Variants in TMEM87A observed in about 807,000 individuals in gnomAD.
The protein encoded by TMEM87A is transmembrane protein 87A, also known as Golgi-pH regulating cation channel.
In TMEM87A, 50 loss-of-function variants were observed where a neutral mutation model predicts 90.0. The observed-to-expected ratio is 0.56, with a 90% CI of 0.44 to 0.70. The LOEUF is 0.70. Ranked by LOEUF, TMEM87A falls within the 30% of genes least tolerant of loss-of-function variation. The pLI, the probability that TMEM87A is intolerant of heterozygous loss-of-function variation, is 0.00. For missense variants in TMEM87A, 577 were observed against 660.5 expected (o/e 0.87, Z 1.39); for synonymous variants, 226 against 226.7 (o/e 1.00, Z 0.03).
chr15:42,239,243 G>A (rs1384166293), intron 8 of TMEM87A, among the ~76,000 whole-genome samples: 6 of 152,174 alleles, frequency 3.9e-5, no homozygotes, highest in Admixed American at 3.9e-4. Flanking sequence ...GTTTCACCAT[G>A]TTGGCCAGGC....
At chr15:42,214,392 C>T (rs1193992457) in intron 19 of TMEM87A, among the ~76,000 whole-genome samples, 2 of 152,212 alleles carry the variant, frequency 1.3e-5, no homozygotes, top group African/African-American at 4.8e-5. Context: ...AGAGAAACGA[C>T]AGGCCAATAT....
At chr15:42,236,167 A>G (rs189286358) in intron 10 of TMEM87A, among the ~76,000 whole-genome samples, 153 bp downstream of exon 10, 5 of 152,388 alleles carry the variant, frequency 3.3e-5, no homozygotes, top group Non-Finnish European at 7.3e-5. Context: ...TTTTCCCAAC[A>G]TTTACAATGC....
intron 11 of TMEM87A, among the ~76,000 whole-genome samples, chr15:42,231,577 T>C (rs1480483474): frequency 6.6e-6 from 1 of 152,164 alleles, no homozygotes; most frequent in East Asian, 1.9e-4. Flanking sequence ...ATAAGCCCCA[T>C]CCTTAATCTA....
In TMEM87A at chr15:42,272,174, A is replaced by G. The variant is rs766240099; in HGVS notation, c.145-51T>C. 4.6e-6 allele frequency: 6 copies of G among 1,298,064 alleles called. No homozygotes were observed. In the South Asian group the frequency reaches 7.6e-5, roughly 16 times the overall value. The allele number at this position is 1,298,064 out of a possible 1,614,324, so 80.4% of individuals were successfully genotyped here. ...AGCCTCAGATGGCTTCAATTACCAA[A>G]GCATCATATAACTATCTAAGACTGC... On this transcript the variant is annotated intron_variant, in intron 1 of 19. Transcript: ENST00000389834.
At position 42,211,451 on chromosome 15, in the gene TMEM87A, A is replaced by G. The variant is rs891348791; in HGVS notation, c.*257T>C. ...ACACACTTAAGTTGCATGAACATCCATGTCAGAGTCTGGGAGGAAAGGGGG... is the reference window on the plus strand; with the variant it reads ...ACACACTTAAGTTGCATGAACATCCGTGTCAGAGTCTGGGAGGAAAGGGGG... On this transcript the variant is annotated 3_prime_UTR_variant, in exon 20 of 20. Coordinates refer to ENST00000389834, the MANE Select transcript of TMEM87A (RefSeq NM_015497.5). The G allele has an allele frequency of 1.0e-5, 4 of 393,206 alleles. No individual in the cohort carries two copies. The highest frequency in any genetic ancestry group is 1.8e-5 in the Non-Finnish European group (4 of 218,280). The allele number at this position is 393,206 out of a possible 1,614,324, so 24.4% of individuals were successfully genotyped here. A position where few individuals can be genotyped will look rare whatever the true frequency, so the allele number is the denominator to read the frequency against.
chr15:42,218,543 T>A (rs560308366), intron 17 of TMEM87A, among the ~76,000 whole-genome samples, 165 bp from the exon 18 acceptor site: 7 of 152,348 alleles, frequency 4.6e-5, no homozygotes, highest in Non-Finnish European at 7.4e-5. Context: ...AAAACATTTT[T>A]AAAAATCCCT....
At position 42,228,827 on chromosome 15, in the gene TMEM87A, G is replaced by T. The variant is rs141069875; in HGVS notation, c.1132-7C>A. ...GAGTCAGGCTAATAAATATGTGTTT[G>T]CAGGTCAAGGAATTCAACATTCAGG... On this transcript the variant is annotated splice_polypyrimidine_tract_variant and splice_region_variant and intron_variant, in intron 12 of 19. Coordinates refer to ENST00000389834, the MANE Select transcript of TMEM87A (RefSeq NM_015497.5). 1.9e-4 allele frequency: 302 copies of T among 1,552,446 alleles called. No homozygotes were observed. In the African/African-American group the frequency reaches 3.9e-3, roughly 20 times the overall value.
At chr15:42,237,655 G>C (rs2050797222) in intron 8 of TMEM87A, 40 bp from the exon 9 acceptor site, 1 of 1,493,498 alleles carries the variant, frequency 6.7e-7, no homozygotes, top group Admixed American at 2.1e-5. Flanking sequence ...GGAGAATTAG[G>C]GCCAAGAGCC....
intron 3 of TMEM87A, 87 bp downstream of exon 3, chr15:42,267,860 A>G (rs1403528926): frequency 4.6e-6 from 5 of 1,081,574 alleles, no homozygotes; most frequent in Admixed American, 2.3e-5. Flanking sequence ...CCATAGCTAC[A>G]TGATACTCTT....
chr15:42,213,699 A>G (rs1456298646), intron 19 of TMEM87A, among the ~76,000 whole-genome samples: 2 of 152,244 alleles, frequency 1.3e-5, no homozygotes, highest in African/African-American at 4.8e-5. Context: ...CAGAAAAGAC[A>G]TAATACAGAG....
chr15:42,227,331 G>A (rs144845229), intron 14 of TMEM87A, among the ~76,000 whole-genome samples: 100 of 152,216 alleles, frequency 6.6e-4, no homozygotes, highest in Admixed American at 1.2e-3. Context: ...TGTCACAGTC[G>A]TTGAGCTCAG....
intron 7 of TMEM87A, among the ~76,000 whole-genome samples, chr15:42,242,560 G>A (rs2140949653): frequency 6.6e-6 from 1 of 151,558 alleles, no homozygotes; most frequent in Non-Finnish European, 1.5e-5. Flanking sequence ...AGGGAGGAGA[G>A]GAAGAGAAAG....
At chr15:42,245,823 G>GC (rs1212293791) in intron 6 of TMEM87A, among the ~76,000 whole-genome samples, 1 of 151,948 alleles carries the variant, frequency 6.6e-6, no homozygotes, top group Non-Finnish European at 1.5e-5. Flanking sequence ...GAGCTACCAC[G>GC]CCCCGGCCCA....
At chr15:42,273,206 C>T (rs939457769) in intron 1 of TMEM87A, 49 bp downstream of exon 1, 1 of 1,608,302 alleles carries the variant, frequency 6.2e-7, no homozygotes, top group African/African-American at 1.3e-5. Context: ...CCGCCGTAGC[C>T]CCACCCCTTG....
intron 15 of TMEM87A, among the ~76,000 whole-genome samples, chr15:42,224,055 T>C (rs1321824398): frequency 2.0e-5 from 3 of 152,250 alleles, no homozygotes; most frequent in Non-Finnish European, 2.9e-5. Context: ...CTAACCTTCA[T>C]TGACTAATGT....
intron 2 of TMEM87A, among the ~76,000 whole-genome samples, chr15:42,269,572 G>A (rs185318462): frequency 8.5e-5 from 13 of 152,226 alleles, no homozygotes; most frequent in Admixed American, 7.2e-4. Flanking sequence ...AGACTTGTAA[G>A]GAAATTTGGC....
intron 6 of TMEM87A, among the ~76,000 whole-genome samples, chr15:42,256,076 G>A (rs530087160): frequency 7.8e-4 from 119 of 151,680 alleles, no homozygotes; most frequent in African/African-American, 1.8e-3. Context: ...CACCACACCC[G>A]GCCCATAAAC....
intron 6 of TMEM87A, among the ~76,000 whole-genome samples, chr15:42,251,689 G>A (rs1331451947): frequency 6.6e-6 from 1 of 152,210 alleles, no homozygotes; most frequent in Non-Finnish European, 1.5e-5. Flanking sequence ...TCCCAGTTAG[G>A]CTACATGGGG....
At chr15:42,217,904 G>C in intron 18 of TMEM87A, 71 bp from the exon 19 acceptor site, 2 of 1,451,900 alleles carry the variant, frequency 1.4e-6, no homozygotes, top group Non-Finnish European at 1.9e-6. Flanking sequence ...AAAGACAATG[G>C]AATAATGCAA....
Sources: gnomAD v4.1 joint callset for allele counts (sites outside exome capture counted in the v4.1 genomes callset) on GRCh38, gnomAD v4.1.1 for gene constraint, MANE v1.5 for transcripts, NCBI Gene and HGNC (gene_info 2026-07-23, HGNC 2026-07-21) for gene names.